Variants in STKLD1 observed in about 807,000 individuals in gnomAD.
The protein encoded by STKLD1 is serine/threonine kinase-like domain-containing protein STKLD1.
Under a neutral mutation model 80.4 loss-of-function variants are expected in STKLD1, and 79 were observed. The observed-to-expected ratio is 0.98, with a 90% CI of 0.82 to 1.19. The LOEUF (loss-of-function observed/expected upper bound fraction) is 1.19. Ranked by LOEUF, STKLD1 falls within the 50% of genes most tolerant of loss-of-function variation. STKLD1 has a pLI of 0.00. For missense variants in STKLD1, 841 were observed against 856.0 expected (o/e 0.98, Z 0.22); for synonymous variants, 393 against 357.6 (o/e 1.10, Z -1.12).
Position 133,390,542 on chromosome 9 carries a change from G to C in STKLD1, c.468-139G>C, listed in dbSNP as rs1009933225. The C allele has an allele frequency of 1.9e-5, 13 of 666,888 alleles. No homozygotes were observed. The Admixed American group carries it at 2.5e-4, about 13-fold the overall frequency. 41.3% of individuals were successfully genotyped at this position (666,888 alleles called of 1,614,324 possible). A position where few individuals can be genotyped will look rare whatever the true frequency, so the allele number is the denominator to read the frequency against. ...ATTTTGTGGAGGAGAGGAGGATGTG[G>C]GCTGCTGCTGCAGAACCAGGTGGGG... On this transcript the variant is annotated intron_variant, in intron 6 of 17. Transcript: ENST00000371957. The surrounding 1 kb of genome is among the most constrained non-coding windows in gnomAD (Gnocchi z 5.1).
chr9:133,404,038 G>A lies in STKLD1; in HGVS notation c.1722G>A (p.Val574=). The A allele has an allele frequency of 6.2e-7, 1 of 1,605,110 alleles. No homozygotes were observed. The highest frequency in any genetic ancestry group is 8.5e-7 in the Non-Finnish European group (1 of 1,175,956). Residue 574 remains valine, a synonymous_variant, in exon 16 of 18, where the codon GTG becomes GTA. Coordinates refer to ENST00000371957, the MANE Select transcript of STKLD1 (RefSeq NM_153710.5). ...CCTACCGGGGACTGGCCAGCCTGGT[G>A]AAGGTGTCAGGTGAGCCTGGGGACA... ...NNAYRGLASL[V]KVSELAAFKV...
chr9:133,400,427 C>G lies in STKLD1; in HGVS notation c.1096C>G (p.Pro366Ala), dbSNP rs1012421387. ...PADQLGLPWP[P>A]ELVEVVVTTM... ...CGCCCTGCCAGGTCTGCCGTGGCCC[C>G]CGGAGCTGGTGGAGGTGGTGGTCAC... The change falls in exon 12 of 18, where the codon CCG becomes GCG. Residue 366 changes from proline to alanine, a missense_variant. Coordinates refer to ENST00000371957, the MANE Select transcript of STKLD1 (RefSeq NM_153710.5). 2 of 1,612,750 alleles carry G rather than the reference C, an allele frequency of 1.2e-6. No individual in the cohort carries two copies. Among genetic ancestry groups the G allele is most frequent in the African/African-American group, 2.7e-5 (2 of 74,940 alleles).
intron 5 of STKLD1, 34 bp downstream of exon 5, chr9:133,387,582 AC>A: frequency 1.3e-6 from 2 of 1,558,798 alleles, no homozygotes; most frequent in Admixed American, 3.3e-5. Flanking sequence ...CCTGGGGGCC[AC>A]CTAGACCTGT....
chr9:133,403,769 C>G lies in STKLD1; in HGVS notation c.1544C>G (p.Pro515Arg), dbSNP rs376801977. 5.7e-5 allele frequency: 92 copies of G among 1,613,662 alleles called. 1 individual carries two copies. In the African/African-American group the frequency reaches 1.0e-3, roughly 18 times the overall value. ...DLISQVLATY[P>R]ADGEMAEASC... is the part of the protein sequence containing the mutation. ...ATCAGCCAGGTGTTGGCCACCTACC[C>G]TGCGGATGGGGAAATGGCAGAAGCC... The change falls in exon 15 of 18, where the codon CCT (proline) becomes CGT (arginine). Residue 515 changes from proline to arginine, a missense_variant. Coordinates refer to ENST00000371957, the MANE Select transcript of STKLD1 (RefSeq NM_153710.5).
intron 4 of STKLD1, among the ~76,000 whole-genome samples, 170 bp from the exon 5 acceptor site, chr9:133,387,273 GGAGA>G (rs1398183923): frequency 6.6e-6 from 1 of 152,114 alleles, no homozygotes; most frequent in Non-Finnish European, 1.5e-5. Flanking sequence ...AATGGGGAGA[GGAGA>G]GAGAGGAAGC....
intron 1 of STKLD1, 64 bp downstream of exon 1, chr9:133,376,624 ACGGC>A (rs2130250113): frequency 1.4e-6 from 2 of 1,418,200 alleles, no homozygotes; most frequent in East Asian, 5.6e-5. Context: ...CCCTGGAGCT[ACGGC>A]CGGCGGTTCC....
Position 133,405,281 on chromosome 9 carries a change from A to G in STKLD1, c.1903A>G (p.Ser635Gly), listed in dbSNP as rs782384139. 1.9e-6 allele frequency: 3 copies of G among 1,612,218 alleles called. No individual in the cohort carries two copies. The highest frequency in any genetic ancestry group is 2.2e-5 in the South Asian group (2 of 90,980). The change falls in exon 18 of 18, where the codon AGT becomes GGT. Residue 635 changes from serine to glycine, a missense_variant. Transcript: ENST00000371957. ...EEILPELVSS[S>G]MKALLQEIKE... is the part of the protein sequence containing the mutation. ...GATCCTGCCGGAGCTGGTGTCCAGTAGTATGAAGGCCCTGCTCCAGGAGAT... is the reference window on the plus strand; with the variant it reads ...GATCCTGCCGGAGCTGGTGTCCAGTGGTATGAAGGCCCTGCTCCAGGAGAT...
chr9:133,403,038 C>T (rs1554777997), intron 14 of STKLD1, 26 bp downstream of exon 14: 3 of 1,543,804 alleles, frequency 1.9e-6, no homozygotes, highest in Admixed American at 1.9e-5. Flanking sequence ...CCTGCTGTCC[C>T]ACCGGGGCTG....
chr9:133,403,642 G>GC (rs1176385257), intron 14 of STKLD1, 58 bp from the exon 15 acceptor site: 20 of 1,560,628 alleles, frequency 1.3e-5, no homozygotes, highest in Non-Finnish European at 1.6e-5. Context: ...GGATGGGAAG[G>GC]CCCCCCTGCA....
Position 133,397,284 on chromosome 9 carries a change from C to T in STKLD1, c.987C>T (p.Ala329=), listed in dbSNP as rs200371998. 1.2e-6 allele frequency: 2 copies of T among 1,613,560 alleles called. No homozygotes were observed. The highest frequency in any genetic ancestry group is 1.7e-6 in the Non-Finnish European group (2 of 1,180,004). The part of the protein sequence containing the change: ...ITDMLLEGNV[A]SILEVMQKFS... ...ACATGCTGTTAGAAGGCAACGTGGCCAGCATTTTAGGTGATGCTGGGGACA... is the reference window on the plus strand; with the variant it reads ...ACATGCTGTTAGAAGGCAACGTGGCTAGCATTTTAGGTGATGCTGGGGACA... The change falls in exon 10 of 18, where the codon GCC becomes GCT. Residue 329 remains alanine, a synonymous_variant. Transcript: ENST00000371957.
Position 133,400,463 on chromosome 9 carries a change from C to T in STKLD1, c.1132C>T (p.Leu378=), listed in dbSNP as rs1554777427. 1 of 1,613,504 alleles carries T rather than the reference C, an allele frequency of 6.2e-7. No individual in the cohort carries two copies. Among genetic ancestry groups the T allele is most frequent in the African/African-American group, 1.3e-5 (1 of 75,062 alleles). The change falls in exon 12 of 18, where the codon CTA becomes TTA. Residue 378 remains leucine (L), a synonymous_variant. Transcript: ENST00000371957. ...LVEVVVTTME[L]HDRVLDVQLC... ...GGAGGTGGTGGTCACGACCATGGAG[C>T]TACATGACAGGGTCCTCGATGTCCA...
intron 11 of STKLD1, among the ~76,000 whole-genome samples, chr9:133,398,376 C>T (rs78522973): frequency 9.5e-4 from 145 of 152,330 alleles, no homozygotes; most frequent in African/African-American, 3.2e-3. Flanking sequence ...GATACTAGAA[C>T]GGACACCCTG....
Position 133,390,244 on chromosome 9 carries a change from CACACACA to C in STKLD1, c.468-436_468-430del. On this transcript the variant is annotated intron_variant, in intron 6 of 17. Coordinates refer to ENST00000371957, the MANE Select transcript of STKLD1 (RefSeq NM_153710.5). This position sits in a 1 kb window ranked among gnomAD's most constrained non-coding sequence, Gnocchi z 5.1. The stretch of plus-strand genomic sequence containing the variant: ...ACACACACACACACACACACACACA[CACACACA>C]CCACGCAGACCATACGTACAAAGGG... Among the ~76,000 whole-genome samples, 1 of 112,752 alleles carries C rather than the reference CACACACA, an allele frequency of 8.9e-6. No individual in the cohort carries two copies. The highest frequency in any genetic ancestry group is 1.8e-5 in the Non-Finnish European group (1 of 55,586). 74.0% of individuals were successfully genotyped at this position (112,752 alleles called of 152,430 possible). A position where few individuals can be genotyped will look rare whatever the true frequency, so the allele number is the denominator to read the frequency against.
At chr9:133,403,475 C>A (rs939999202) in intron 14 of STKLD1, among the ~76,000 whole-genome samples, 8 of 152,210 alleles carry the variant, frequency 5.3e-5, no homozygotes, top group Non-Finnish European at 1.2e-4. Flanking sequence ...CTCCAAACCA[C>A]GGAAAGCCCG....
Position 133,394,940 on chromosome 9 carries a change from C to G in STKLD1, c.702+531C>G, listed in dbSNP as rs1838520057. ...GAGGGGAGGCAGAGGGCCCCACTGG[C>G]CCCGCGAGCACTCCAAGGTCACTCT... On this transcript the variant is annotated intron_variant, in intron 8 of 17. Transcript: ENST00000371957. This position sits in a 1 kb window ranked among gnomAD's most constrained non-coding sequence, Gnocchi z 4.9. 1 of 157,912 alleles carries G rather than the reference C, an allele frequency of 6.3e-6. No homozygotes were observed. The highest frequency in any genetic ancestry group is 6.0e-5 in the Admixed American group (1 of 16,534). 9.8% of individuals were successfully genotyped at this position (157,912 alleles called of 1,614,324 possible).
Position 133,389,922 on chromosome 9 carries a change from A to G in STKLD1, c.467+326A>G, listed in dbSNP as rs1157179136. ...CCTGCCGTGGGGCCAGTGTGGGCTG[A>G]GTGGGCCCTGCTGAGCCTTTGACCC... is the stretch of plus-strand genomic sequence containing the variant. On this transcript the variant is annotated intron_variant, in intron 6 of 17. Coordinates refer to ENST00000371957, the MANE Select transcript of STKLD1 (RefSeq NM_153710.5). The surrounding 1 kb of genome is among the most constrained non-coding windows in gnomAD (Gnocchi z 6.4). 1.3e-5 allele frequency among the ~76,000 whole-genome samples: 2 copies of G among 152,180 alleles called. No individual in the cohort carries two copies. Among genetic ancestry groups the G allele is most frequent in the Admixed American group, 1.3e-4 (2 of 15,282 alleles).
At chr9:133,396,737 A>C (rs782354161) in intron 9 of STKLD1, among the ~76,000 whole-genome samples, 4 of 152,196 alleles carry the variant, frequency 2.6e-5, no homozygotes, top group Non-Finnish European at 4.4e-5. Context: ...AGCCTAGGTG[A>C]CAAGAGTGAA....
chr9:133,403,059 C>T lies in STKLD1; in HGVS notation c.1474+47C>T, dbSNP rs587754250. The T allele has an allele frequency of 2.2e-4, 340 of 1,521,502 alleles. 2 individuals are homozygous for T. The South Asian group carries it at 3.2e-3, about 14-fold the overall frequency. 94.3% of individuals were successfully genotyped at this position (1,521,502 alleles called of 1,614,324 possible). On this transcript the variant is annotated intron_variant, in intron 14 of 17. Coordinates refer to ENST00000371957, the MANE Select transcript of STKLD1 (RefSeq NM_153710.5). ...GTCCCACCGGGGCTGGCAGCCCTCC[C>T]CCAGCCCCTCCCTAACTGCCCCTGA...
chr9:133,397,214 T>A lies in STKLD1; in HGVS notation c.917T>A (p.Val306Asp). ...FLRGSFKSSC[V>D]SLTLHRQMVP... Reference sequence around the variant, plus strand: ...AGAGGCTCCTTCAAGTCCTCGTGCGTCTCTCTGACCCTGCACCGGCAGATG... The same window carrying A: ...AGAGGCTCCTTCAAGTCCTCGTGCGACTCTCTGACCCTGCACCGGCAGATG... The change falls in exon 10 of 18, where the codon GTC becomes GAC. Residue 306 changes from valine (V) to aspartate (D), a missense_variant. Physicochemically the swap from Val to Asp is radical, Grantham distance 152. Coordinates refer to ENST00000371957, the MANE Select transcript of STKLD1 (RefSeq NM_153710.5). 6.2e-7 allele frequency: 1 copy of A among 1,613,948 alleles called. No homozygotes were observed. The highest frequency in any genetic ancestry group is 8.5e-7 in the Non-Finnish European group (1 of 1,180,004).
Sources: allele counts gnomAD v4.1 joint callset (sites outside exome capture counted in the v4.1 genomes callset), GRCh38; gene constraint gnomAD v4.1.1; non-coding constraint Gnocchi (gnomAD v3.1); transcripts MANE v1.5; gene names NCBI Gene and HGNC (gene_info 2026-07-23, HGNC 2026-07-21).